The following TENM4 variants were observed in gnomAD, a reference collection of about 807,000 sequenced individuals.
The protein encoded by TENM4 is teneurin transmembrane protein 4.
TENM4 carries 82 observed loss-of-function variants against 243.3 expected under a neutral mutation model. That is an observed-to-expected ratio of 0.34 (90% CI 0.28 to 0.40). TENM4 has a LOEUF of 0.40. TENM4 is among the 10% of genes least tolerant of loss of function. TENM4 has a pLI of 1.00. For synonymous variants in TENM4, 1,412 were observed against 1,456.3 expected (o/e 0.97, Z 0.69); for missense variants, 3,138 against 3,673.3 (o/e 0.85, Z 3.77).
Position 78,738,522 on chromosome 11 carries a change from G to A in TENM4, c.2805C>T (p.Pro935=). ...CAAAACTGATGTTCACACCAACCAG[G>A]GGGGTTCCATCTGATGTCATCACTT... is the stretch of plus-strand genomic sequence containing the variant. The part of the protein sequence containing the change: ...RGQVMTSDGT[P]LVGVNISFVN... Residue 935 remains proline (P), a synonymous_variant, in exon 20 of 34, where the codon CCC becomes CCT. Coordinates refer to ENST00000278550, the MANE Select transcript of TENM4 (RefSeq NM_001098816.3). 1.2e-6 allele frequency: 2 copies of A among 1,613,880 alleles called. No individual in the cohort carries two copies. The highest frequency in any genetic ancestry group is 1.7e-4 in the Middle Eastern group (1 of 6,060).
chr11:79,349,947 G>C (rs998163545), intron 1 of TENM4, among the ~76,000 whole-genome samples: 4 of 152,170 alleles, frequency 2.6e-5, no homozygotes, highest in African/African-American at 9.7e-5. Flanking sequence ...AGCCAGACCG[G>C]AGGACGAGGA....
At chr11:78,859,032 T>C (rs577372984) in intron 10 of TENM4, among the ~76,000 whole-genome samples, 9 of 152,262 alleles carry the variant, frequency 5.9e-5, no homozygotes, top group Non-Finnish European at 7.4e-5. Flanking sequence ...AGGGATCAAA[T>C]TGATGAATGA....
At chr11:79,147,181 C>T (rs1253310279) in intron 4 of TENM4, among the ~76,000 whole-genome samples, 1 of 152,094 alleles carries the variant, frequency 6.6e-6, no homozygotes, top group Non-Finnish European at 1.5e-5. Flanking sequence ...CACACAAAGG[C>T]ACATATATTT....
rs117467128 is a variant in TENM4 at position 79,087,402 on chromosome 11, G to A, written c.-65-17393C>T. Among the ~76,000 whole-genome samples the A allele has an allele frequency of 3.3e-3, 498 of 152,316 alleles. 12 individuals carry two copies. The South Asian group carries it at 0.051, about 15-fold the overall frequency. On this transcript the variant is annotated intron_variant, in intron 4 of 33. Transcript: ENST00000278550. ...TTTGAGGAATGCCAGTCCCCATGCT[G>A]AGAGGATTCTGATCAAACCAAGCTC... is the stretch of plus-strand genomic sequence containing the variant.
At chr11:79,362,383 G>C (rs1461010994) in intron 1 of TENM4, among the ~76,000 whole-genome samples, 2 of 152,140 alleles carry the variant, frequency 1.3e-5, no homozygotes, top group Middle Eastern at 3.2e-3. Context: ...TGTATACACG[G>C]AAATAGGATG....
chr11:79,433,095 C>G (rs763089770), intron 1 of TENM4, among the ~76,000 whole-genome samples: 1 of 152,096 alleles, frequency 6.6e-6, no homozygotes, highest in Non-Finnish European at 1.5e-5. Context: ...TGGGCACATC[C>G]CTTTATAGTG....
chr11:78,845,364 G>A (rs1442366759), intron 12 of TENM4, among the ~76,000 whole-genome samples: 1 of 152,206 alleles, frequency 6.6e-6, no homozygotes, highest in Non-Finnish European at 1.5e-5. Context: ...CCCAAGGATA[G>A]ATGAGTTTGG....
chr11:79,026,435 C>T (rs541858860), intron 6 of TENM4, among the ~76,000 whole-genome samples: 8 of 152,208 alleles, frequency 5.3e-5, no homozygotes, highest in Admixed American at 2.0e-4. Context: ...TTAACAAGAG[C>T]GCCATGGACA....
At chr11:78,928,147 C>T (rs1230984497) in intron 6 of TENM4, among the ~76,000 whole-genome samples, 3 of 152,162 alleles carry the variant, frequency 2.0e-5, no homozygotes, top group East Asian at 1.9e-4. Context: ...CCACCTTCCC[C>T]GTCTCCTTAC....
At chr11:79,117,260 G>A (rs1469863891) in intron 4 of TENM4, among the ~76,000 whole-genome samples, 2 of 152,284 alleles carry the variant, frequency 1.3e-5, no homozygotes, top group African/African-American at 2.4e-5. Flanking sequence ...GTCAGAGACA[G>A]GCACATAATG....
At chr11:79,024,072 TAG>T (rs1394302560) in intron 6 of TENM4, among the ~76,000 whole-genome samples, 2 of 152,226 alleles carry the variant, frequency 1.3e-5, no homozygotes, top group African/African-American at 4.8e-5. Flanking sequence ...AGTTTTCCCT[TAG>T]AGTTGCCATA....
At chr11:79,124,645 ATGTG>A (rs35642884) in intron 4 of TENM4, among the ~76,000 whole-genome samples, 4,964 of 133,646 alleles carry the variant, frequency 0.037, 223 homozygotes, top group African/African-American at 0.12. Context: ...ATATATATAT[ATGTG>A]TGTGTGTGTG....
At chr11:78,855,820 GA>G in intron 11 of TENM4, 143 bp downstream of exon 11, 1 of 768,874 alleles carries the variant, frequency 1.3e-6, no homozygotes. Flanking sequence ...GGGTGGGTCT[GA>G]GAGGGACTAC....
At chr11:79,007,260 T>C (rs1447260850) in intron 6 of TENM4, among the ~76,000 whole-genome samples, 3 of 152,188 alleles carry the variant, frequency 2.0e-5, no homozygotes, top group Non-Finnish European at 4.4e-5. Flanking sequence ...GGAAATATTC[T>C]GTGATAATAT....
chr11:78,895,666 C>A (rs781509738), intron 7 of TENM4, among the ~76,000 whole-genome samples: 1 of 152,224 alleles, frequency 6.6e-6, no homozygotes, highest in Non-Finnish European at 1.5e-5. Flanking sequence ...CATAGTCACG[C>A]AGGGTCTCCT....
Position 79,405,808 on chromosome 11 carries a change from A to T in TENM4, c.-321+34701T>A, listed in dbSNP as rs529179577. Among the ~76,000 whole-genome samples the T allele has an allele frequency of 8.2e-4, 112 of 137,362 alleles. 3 individuals are homozygous for T. In the South Asian group the frequency reaches 0.026, roughly 32 times the overall value. The allele number at this position is 137,362 out of a possible 152,430, so 90.1% of individuals were successfully genotyped here. On this transcript the variant is annotated intron_variant, in intron 1 of 33. Transcript: ENST00000278550. ...CGCATATAAAAATGATGTGGTAAACATTTTTGTCCATCTAATTTCTCTGAA... is the reference window on the plus strand; with the variant it reads ...CGCATATAAAAATGATGTGGTAAACTTTTTTGTCCATCTAATTTCTCTGAA...
At chr11:79,154,443 C>T (rs755091292) in intron 3 of TENM4, among the ~76,000 whole-genome samples, 4 of 152,248 alleles carry the variant, frequency 2.6e-5, no homozygotes, top group Admixed American at 6.5e-5. Flanking sequence ...GGCCCACCTC[C>T]AACACTGGAG....
chr11:79,019,252 C>T (rs569342953), intron 6 of TENM4, among the ~76,000 whole-genome samples: 5 of 152,114 alleles, frequency 3.3e-5, no homozygotes, highest in African/African-American at 1.2e-4. Flanking sequence ...AGGTAGAGGA[C>T]GGCAGCAAGG....
chr11:78,835,967 C>A (rs1858100961), intron 12 of TENM4, among the ~76,000 whole-genome samples: 1 of 152,206 alleles, frequency 6.6e-6, no homozygotes, highest in Non-Finnish European at 1.5e-5. Context: ...ACCGAATAAA[C>A]ACATTCACAA....
Sources: gnomAD v4.1 joint callset for allele counts (sites outside exome capture counted in the v4.1 genomes callset) on GRCh38, gnomAD v4.1.1 for gene constraint, MANE v1.5 for transcripts, NCBI Gene and HGNC (gene_info 2026-07-23, HGNC 2026-07-21) for gene names.